Variants in RAB3C observed in about 807,000 individuals in gnomAD.
The protein encoded by RAB3C is ras-related protein Rab-3C.
A neutral mutation model predicts 26.4 loss-of-function variants in RAB3C; 17 were observed. The observed-to-expected ratio is 0.64, with a 90% confidence interval of 0.44 to 0.97. RAB3C has a LOEUF of 0.97. Among genes scored for constraint, RAB3C ranks in the 50% least tolerant of loss-of-function variants. RAB3C has a pLI of 0.00. For synonymous variants in RAB3C, 91 were observed against 95.9 expected (o/e 0.95, Z 0.30); for missense variants, 242 against 281.9 (o/e 0.86, Z 1.01).
At chr5:58,624,083 T>C (rs1336471356) in intron 2 of RAB3C, among the ~76,000 whole-genome samples, 2 of 152,246 alleles carry the variant, frequency 1.3e-5, no homozygotes, top group Non-Finnish European at 2.9e-5. Flanking sequence ...TTCAGACTTT[T>C]GTATTCAATT....
chr5:58,697,466 C>T (rs936375603), intron 2 of RAB3C, among the ~76,000 whole-genome samples: 4 of 152,058 alleles, frequency 2.6e-5, no homozygotes, highest in African/African-American at 9.7e-5. Flanking sequence ...GAGTTCAGGT[C>T]CTGGATATCC....
chr5:58,623,864 A>G (rs1746993562), intron 2 of RAB3C, among the ~76,000 whole-genome samples: 1 of 152,108 alleles, frequency 6.6e-6, no homozygotes, highest in Non-Finnish European at 1.5e-5. Context: ...CCAGGGTTCA[A>G]ATGTTGTCCC....
chr5:58,786,009 G>A (rs1161804000), intron 3 of RAB3C, among the ~76,000 whole-genome samples: 3 of 152,224 alleles, frequency 2.0e-5, no homozygotes, highest in Non-Finnish European at 4.4e-5. Flanking sequence ...AGAGCCTCCA[G>A]AAAGGAACTT....
intron 3 of RAB3C, among the ~76,000 whole-genome samples, chr5:58,756,117 C>T (rs1231171803): frequency 6.6e-6 from 1 of 151,394 alleles, no homozygotes; most frequent in Non-Finnish European, 1.5e-5. Context: ...GCATTTCACA[C>T]AATTGGCTTT....
At chr5:58,830,679 G>T (rs776424971) in intron 4 of RAB3C, among the ~76,000 whole-genome samples, 1 of 152,120 alleles carries the variant, frequency 6.6e-6, no homozygotes, top group Non-Finnish European at 1.5e-5. Context: ...GGAGAGAAAG[G>T]CATTGACTAC....
chr5:58,673,612 A>T (rs1748167328), intron 2 of RAB3C, among the ~76,000 whole-genome samples: 1 of 152,210 alleles, frequency 6.6e-6, no homozygotes, highest in African/African-American at 2.4e-5. Flanking sequence ...ATTTTAAAGC[A>T]GATTGTTTCC....
At chr5:58,803,832 G>A (rs767276827) in intron 3 of RAB3C, among the ~76,000 whole-genome samples, 2 of 152,056 alleles carry the variant, frequency 1.3e-5, no homozygotes, top group Non-Finnish European at 2.9e-5. Context: ...AGGCTGAGGC[G>A]GGTGGATCAC....
rs968369297 is a variant in RAB3C at position 58,784,036 on chromosome 5, T to G, written c.372-41002T>G. On this transcript the variant is annotated intron_variant, in intron 3 of 4. Coordinates refer to ENST00000282878, the MANE Select transcript of RAB3C (RefSeq NM_138453.4). ...ATTAGCAGCCCTGGTATATTGTGCC[T>G]GGTTCTCATCCTGAGATAAGGGATG... Among the ~76,000 whole-genome samples, 12 of 152,254 alleles carry G rather than the reference T, an allele frequency of 7.9e-5. No individual in the cohort carries two copies. In the East Asian group the frequency reaches 2.3e-3, roughly 29 times the overall value.
chr5:58,639,120 A>G (rs1747355308), intron 2 of RAB3C, among the ~76,000 whole-genome samples: 3 of 152,318 alleles, frequency 2.0e-5, no homozygotes, highest in Admixed American at 2.0e-4. Flanking sequence ...CCCTCTTTCG[A>G]ATGGACAATT....
At position 58,614,816 on chromosome 5, in the gene RAB3C, A is replaced by C. The variant is rs948325524; in HGVS notation, c.25-2827A>C. 2.6e-5 allele frequency among the ~76,000 whole-genome samples: 4 copies of C among 152,164 alleles called. No individual in the cohort carries two copies. In the South Asian group the frequency reaches 8.3e-4, roughly 31 times the overall value. ...CGTGTGTGGAGTGAACTAATTGCAG[A>C]TATAAAATATTTGGGAAAAAATTTC... On this transcript the variant is annotated intron_variant, in intron 1 of 4. Transcript: ENST00000282878.
chr5:58,670,172 A>C (rs1748083219), intron 2 of RAB3C, among the ~76,000 whole-genome samples: 1 of 152,096 alleles, frequency 6.6e-6, no homozygotes, highest in Non-Finnish European at 1.5e-5. Flanking sequence ...TACCACATAC[A>C]TATCTGAACA....
rs534074997 is a variant in RAB3C at position 58,783,322 on chromosome 5, A to T, written c.372-41716A>T. Among the ~76,000 whole-genome samples the T allele has an allele frequency of 3.7e-4, 56 of 152,278 alleles. No homozygotes were observed. The South Asian group carries it at 0.011, about 30-fold the overall frequency. ...AAAACGTTTATTTTCTTATTCATGT[A>T]TGGTGAGAAAATTTAAATTGACATT... On this transcript the variant is annotated intron_variant, in intron 3 of 4. Transcript: ENST00000282878.
At chr5:58,850,554 A>G (rs1744093353) in intron 4 of RAB3C, among the ~76,000 whole-genome samples, 1 of 152,232 alleles carries the variant, frequency 6.6e-6, no homozygotes, top group Non-Finnish European at 1.5e-5. Flanking sequence ...ATCATTAGGC[A>G]GCAGCAGGGC....
intron 3 of RAB3C, among the ~76,000 whole-genome samples, chr5:58,761,010 G>C (rs186168314): frequency 6.6e-6 from 1 of 151,262 alleles, no homozygotes; most frequent in Non-Finnish European, 1.5e-5. Context: ...TAGAACATGA[G>C]TTATATATGA....
intron 3 of RAB3C, among the ~76,000 whole-genome samples, chr5:58,737,054 G>A (rs181384254): frequency 1.1e-4 from 17 of 152,020 alleles, no homozygotes; most frequent in East Asian, 1.9e-4. Context: ...ACCAGACCCC[G>A]TACAATTTGC....
At chr5:58,799,172 A>G (rs1742744824) in intron 3 of RAB3C, among the ~76,000 whole-genome samples, 1 of 152,184 alleles carries the variant, frequency 6.6e-6, no homozygotes, top group African/African-American at 2.4e-5. Flanking sequence ...TTCTATTCTT[A>G]GGAGATGTCT....
intron 2 of RAB3C, among the ~76,000 whole-genome samples, chr5:58,668,685 A>G (rs988444371): frequency 3.9e-5 from 6 of 152,170 alleles, no homozygotes; most frequent in African/African-American, 1.2e-4. Context: ...TGAAAATAAT[A>G]TAGCTGAGAG....
At chr5:58,726,250 C>T (rs571166024) in intron 3 of RAB3C, 130 bp downstream of exon 3, 1 of 500,164 alleles carries the variant, frequency 2.0e-6, no homozygotes, top group African/African-American at 2.0e-5. Flanking sequence ...CCCGCTTGTG[C>T]TTCATTTAAA....
intron 2 of RAB3C, among the ~76,000 whole-genome samples, chr5:58,704,207 C>G (rs922194352): frequency 6.6e-6 from 1 of 152,136 alleles, no homozygotes; most frequent in African/African-American, 2.4e-5. Flanking sequence ...ATGACAAATC[C>G]TGAAATCAAT....
Sources: gnomAD v4.1 joint callset for allele counts (sites outside exome capture counted in the v4.1 genomes callset) on GRCh38, gnomAD v4.1.1 for gene constraint, MANE v1.5 for transcripts, NCBI Gene and HGNC (gene_info 2026-07-23, HGNC 2026-07-21) for gene names.